Variants in PIEZO2 observed in about 807,000 individuals in gnomAD.
The protein encoded by PIEZO2 is piezo type mechanosensitive ion channel component 2, also known as piezo-type mechanosensitive ion channel component 2.
Under a neutral mutation model 337.3 loss-of-function variants are expected in PIEZO2, and 172 were observed. That is an observed-to-expected ratio of 0.51 (90% CI 0.45 to 0.58). The LOEUF (loss-of-function observed/expected upper bound fraction) is 0.58. Ranked by LOEUF, PIEZO2 falls within the 20% of genes least tolerant of loss-of-function variation. PIEZO2 has a pLI of 0.00. For missense variants in PIEZO2, 3,028 were observed against 3,391.3 expected (o/e 0.89, Z 2.66); for synonymous variants, 1,251 against 1,228.5 (o/e 1.02, Z -0.38).
intron 4 of PIEZO2, among the ~76,000 whole-genome samples, chr18:10,896,981 A>T (rs765843466): frequency 2.6e-5 from 4 of 152,206 alleles, no homozygotes; most frequent in Non-Finnish European, 5.9e-5. Flanking sequence ...GTCACTCCTA[A>T]TTCACTACAG....
intron 2 of PIEZO2, among the ~76,000 whole-genome samples, chr18:11,023,707 C>T (rs2036409491): frequency 6.6e-6 from 1 of 152,206 alleles, no homozygotes; most frequent in Non-Finnish European, 1.5e-5. Context: ...GGGCGGCGCT[C>T]GTCCGGGAGG....
chr18:10,935,306 T>C (rs2032328710), intron 3 of PIEZO2, among the ~76,000 whole-genome samples: 1 of 152,128 alleles, frequency 6.6e-6, no homozygotes. Context: ...TGTTTCACAG[T>C]AATGAACAAA....
chr18:10,936,693 G>A (rs147592739), intron 3 of PIEZO2, among the ~76,000 whole-genome samples: 4 of 152,180 alleles, frequency 2.6e-5, no homozygotes, highest in East Asian at 3.8e-4. Context: ...AGATGTCATC[G>A]CTTCAGGACA....
rs2034318345 is a variant in PIEZO2 at position 10,973,388 on chromosome 18, C to A, written c.286+6147G>T. 1.3e-5 allele frequency among the ~76,000 whole-genome samples: 2 copies of A among 152,210 alleles called. No homozygotes were observed. The highest frequency in any genetic ancestry group is 1.3e-4 in the Admixed American group (2 of 15,284). On this transcript the variant is annotated intron_variant, in intron 3 of 55. Coordinates refer to ENST00000674853, the MANE Select transcript of PIEZO2 (RefSeq NM_001378183.1). This position sits in a 1 kb window ranked among gnomAD's most constrained non-coding sequence, Gnocchi z 4.9. ...TACTGATCATAAATGTGTCTTTGCT[C>A]ACTATGGAGAGCAGCAGTCTCCATC...
chr18:10,706,088 T>C (rs1306130767), intron 40 of PIEZO2, among the ~76,000 whole-genome samples: 1 of 152,092 alleles, frequency 6.6e-6, no homozygotes, highest in Non-Finnish European at 1.5e-5. Context: ...ACAGCACAGC[T>C]TACCCACTGC....
rs2039885885 is a variant in PIEZO2 at position 11,116,319 on chromosome 18, T to C, written c.64+32206A>G. Among the ~76,000 whole-genome samples, 1 of 152,166 alleles carries C rather than the reference T, an allele frequency of 6.6e-6. No homozygotes were observed. The highest frequency in any genetic ancestry group is 1.5e-5 in the Non-Finnish European group (1 of 68,040). ...GAGTTTCTCTGAGCCCCAAAACCAC[T>C]AATAGAATATGTGCAAGGGGCTCTT... On this transcript the variant is annotated intron_variant, in intron 1 of 55. Coordinates refer to ENST00000674853, the MANE Select transcript of PIEZO2 (RefSeq NM_001378183.1). This position sits in a 1 kb window ranked among gnomAD's most constrained non-coding sequence, Gnocchi z 5.0.
At position 10,736,837 on chromosome 18, in the gene PIEZO2, G is replaced by A. The variant is rs576210427; in HGVS notation, c.4709-127C>T. ...AGAACCACAACGAAAGATGTTGGCA[G>A]AGAGGAAAACACACAAGATGAAGAG... On this transcript the variant is annotated intron_variant, in intron 33 of 55. Coordinates refer to ENST00000674853, the MANE Select transcript of PIEZO2 (RefSeq NM_001378183.1). The A allele has an allele frequency of 1.2e-5, 13 of 1,086,390 alleles. No individual in the cohort carries two copies. The East Asian group carries it at 3.4e-4, about 28-fold the overall frequency. The allele number at this position is 1,086,390 out of a possible 1,614,324, so 67.3% of individuals were successfully genotyped here.
chr18:11,082,136 G>A (rs1412250929), intron 1 of PIEZO2, among the ~76,000 whole-genome samples: 1 of 152,038 alleles, frequency 6.6e-6, no homozygotes, highest in Non-Finnish European at 1.5e-5. Context: ...TAACAGTTTG[G>A]GGTAAATTGC....
intron 9 of PIEZO2, 62 bp from the exon 10 acceptor site, chr18:10,801,490 G>GTATC (rs2039813628): frequency 5.0e-6 from 7 of 1,409,918 alleles, no homozygotes; most frequent in Non-Finnish European, 6.8e-6. Context: ...TACTGTTTAT[G>GTATC]TATCTATAAA....
At chr18:11,057,698 A>G (rs2037781399) in intron 2 of PIEZO2, among the ~76,000 whole-genome samples, 1 of 152,180 alleles carries the variant, frequency 6.6e-6, no homozygotes, top group Admixed American at 6.5e-5. Flanking sequence ...AGAATATTCC[A>G]CCACTGGTTG....
chr18:11,140,933 C>CCT (rs1424057386), intron 1 of PIEZO2, among the ~76,000 whole-genome samples: 1 of 152,200 alleles, frequency 6.6e-6, no homozygotes, highest in East Asian at 1.9e-4. Flanking sequence ...GCATCTCCTA[C>CCT]CTCCAGCCTT....
intron 4 of PIEZO2, among the ~76,000 whole-genome samples, chr18:10,892,320 C>T (rs2042779604): frequency 3.3e-5 from 5 of 152,084 alleles, no homozygotes. Flanking sequence ...AGTATGGATA[C>T]TTGTGACTCT....
At chr18:10,801,454 T>C in intron 9 of PIEZO2, 26 bp from the exon 10 acceptor site, 8 of 1,487,354 alleles carry the variant, frequency 5.4e-6, no homozygotes, top group Non-Finnish European at 7.3e-6. Flanking sequence ...CGGGAAAGCA[T>C]GTTAGTAAGG....
At chr18:11,025,848 A>C (rs1350811982) in intron 2 of PIEZO2, among the ~76,000 whole-genome samples, 2 of 152,116 alleles carry the variant, frequency 1.3e-5, no homozygotes, top group Non-Finnish European at 2.9e-5. Context: ...GGTACTGCAC[A>C]ACTCTTGCTG....
intron 2 of PIEZO2, among the ~76,000 whole-genome samples, chr18:11,039,773 CACAA>C (rs151107120): frequency 0.12 from 15,091 of 124,606 alleles, 1,430 homozygotes; most frequent in African/African-American, 0.28. Context: ...CACACACACA[CACAA>C]AATTTCTTCC....
intron 2 of PIEZO2, among the ~76,000 whole-genome samples, chr18:11,018,378 A>ATATTGTG (rs1186022863): frequency 8.6e-5 from 10 of 115,694 alleles, no homozygotes; most frequent in African/African-American, 3.2e-4. Flanking sequence ...GACTCCCAAC[A>ATATTGTG]TGTCGTGTGT....
At chr18:10,761,360 C>T (rs1205620104) in intron 23 of PIEZO2, among the ~76,000 whole-genome samples, 1 of 152,150 alleles carries the variant, frequency 6.6e-6, no homozygotes, top group Non-Finnish European at 1.5e-5. Context: ...CTGCTCATTC[C>T]TACTTCTCAC....
At chr18:10,880,651 T>C (rs1396343820) in intron 4 of PIEZO2, among the ~76,000 whole-genome samples, 1 of 151,788 alleles carries the variant, frequency 6.6e-6, no homozygotes, top group Non-Finnish European at 1.5e-5. Flanking sequence ...TAGGAACTGT[T>C]AAGATGGTTC....
chr18:10,975,500 A>C (rs1333430548), intron 3 of PIEZO2, among the ~76,000 whole-genome samples: 1 of 151,848 alleles, frequency 6.6e-6, no homozygotes, highest in African/African-American at 2.4e-5. Flanking sequence ...GGCAGAAGGG[A>C]GTGTTGTTAA....
Sources: allele counts gnomAD v4.1 joint callset (sites outside exome capture counted in the v4.1 genomes callset), GRCh38; gene constraint gnomAD v4.1.1; non-coding constraint Gnocchi (gnomAD v3.1); transcripts MANE v1.5; gene names NCBI Gene and HGNC (gene_info 2026-07-23, HGNC 2026-07-21).